Variants in IL7 observed in about 807,000 individuals in gnomAD.
The protein encoded by IL7 is interleukin 7.
Under a neutral mutation model 21.6 loss-of-function variants are expected in IL7, and 3 were observed. The observed-to-expected ratio is 0.14, with a 90% confidence interval of 0.06 to 0.36. The LOEUF is 0.36. IL7 is among the 10% of genes least tolerant of loss of function. IL7 has a pLI of 1.00. For synonymous variants in IL7, 62 were observed against 68.1 expected, an observed-to-expected ratio of 0.91 and a Z score of 0.44; for missense variants, 175 against 200.2, an observed-to-expected ratio of 0.87 and a Z score of 0.76.
downstream of IL7, among the ~76,000 whole-genome samples, chr8:78,715,504 C>T (rs1415340213): frequency 6.6e-6 from 1 of 152,082 alleles, no homozygotes; most frequent in Non-Finnish European, 1.5e-5. Context: ...AACTGAAAAC[C>T]TTCTGTAAAG....
intron 2 of IL7, among the ~76,000 whole-genome samples, chr8:78,768,345 C>T (rs552526736): frequency 1.8e-4 from 27 of 151,856 alleles, no homozygotes; most frequent in African/African-American, 6.5e-4. Flanking sequence ...GGAATCGCCA[C>T]ACTGACTTCC....
chr8:78,740,118 T>A, intron 2 of IL7, 36 bp from the exon 3 acceptor site: 2 of 1,204,730 alleles, frequency 1.7e-6, no homozygotes, highest in Non-Finnish European at 2.2e-6. Flanking sequence ...TGGTTAAAAC[T>A]GAGTACTTTT....
chr8:78,765,867 C>A (rs1812739797), intron 2 of IL7, among the ~76,000 whole-genome samples: 1 of 152,098 alleles, frequency 6.6e-6, no homozygotes, highest in African/African-American at 2.4e-5. Context: ...CACAAAACCC[C>A]CATGTGAATA....
intron 2 of IL7, among the ~76,000 whole-genome samples, chr8:78,757,947 T>G (rs190610147): frequency 3.9e-5 from 6 of 152,214 alleles, no homozygotes; most frequent in African/African-American, 1.4e-4. Flanking sequence ...CATGGTTTTA[T>G]AAATGAGAAT....
intron 1 of IL7, among the ~76,000 whole-genome samples, chr8:78,798,564 A>G (rs1008362491): frequency 6.6e-6 from 1 of 152,060 alleles, no homozygotes; most frequent in East Asian, 1.9e-4. Flanking sequence ...GGTGCACTAC[A>G]GTTCGAAGAG....
chr8:78,735,276 C>CTTT lies in IL7; in HGVS notation c.414+1195_414+1197dup. Among the ~76,000 whole-genome samples the CTTT allele has an allele frequency of 4.7e-3, 370 of 78,410 alleles. 6 individuals carry two copies. The highest frequency in any genetic ancestry group is 0.016 in the African/African-American group (302 of 18,698). 51.4% of individuals were successfully genotyped at this position (78,410 alleles called of 152,430 possible). A position where few individuals can be genotyped will look rare whatever the true frequency, so the allele number is the denominator to read the frequency against. On this transcript the variant is annotated intron_variant, in intron 5 of 5. Coordinates refer to ENST00000263851, the MANE Select transcript of IL7 (RefSeq NM_000880.4). Reference sequence around the variant, plus strand: ...TGGGAAAATAGTTATCTTTTCTTTTCTTTTTTTTTTTTTTTTGTTTTTTTT... The same window carrying CTTT: ...TGGGAAAATAGTTATCTTTTCTTTTCTTTTTTTTTTTTTTTTTTTGTTTTTTTT...
intron 2 of IL7, among the ~76,000 whole-genome samples, chr8:78,784,580 T>C (rs1813449283): frequency 6.6e-6 from 1 of 152,112 alleles, no homozygotes; most frequent in Non-Finnish European, 1.5e-5. Context: ...GTAAACTATG[T>C]TCATTCACTC....
At chr8:78,759,156 G>GTA (rs1449660993) in intron 2 of IL7, among the ~76,000 whole-genome samples, 1 of 131,028 alleles carries the variant, frequency 7.6e-6, no homozygotes, top group African/African-American at 2.9e-5. Flanking sequence ...ACTCTTGATT[G>GTA]TATATATATA....
At chr8:78,801,456 C>G (rs925229551) in intron 1 of IL7, among the ~76,000 whole-genome samples, 1 of 152,100 alleles carries the variant, frequency 6.6e-6, no homozygotes, top group Admixed American at 6.5e-5. Flanking sequence ...ACTTGGGAGG[C>G]TGAGGCAGGA....
intron 2 of IL7, among the ~76,000 whole-genome samples, chr8:78,753,116 T>C (rs1812230066): frequency 6.6e-6 from 1 of 152,154 alleles, no homozygotes; most frequent in Non-Finnish European, 1.5e-5. Flanking sequence ...GATTGGTGGG[T>C]CAAATGGTAT....
rs185960691 is a variant in IL7, at chr8:78,775,370, A to G, written c.147+22702T>C. On this transcript the variant is annotated intron_variant, in intron 2 of 5. Coordinates refer to ENST00000263851, the MANE Select transcript of IL7 (RefSeq NM_000880.4). The stretch of plus-strand genomic sequence containing the variant: ...CATATCCTACTCTGGATGTGCAGAA[A>G]GGTTATTATGGAATTCATCCAGGGC... 1.3e-3 allele frequency among the ~76,000 whole-genome samples: 197 copies of G among 152,216 alleles called. No homozygotes were observed. In the Middle Eastern group the frequency reaches 0.017, roughly 13 times the overall value.
At chr8:78,760,471 C>G in intron 2 of IL7, 1 of 1,544,764 alleles carries the variant, frequency 6.5e-7, no homozygotes, top group Non-Finnish European at 8.7e-7. Context: ...TATCTTTCCC[C>G]CTGTGTTTCC....
At chr8:78,679,661 T>A (rs907492821) in intron 4 of IL7, among the ~76,000 whole-genome samples, 3 of 152,170 alleles carry the variant, frequency 2.0e-5, no homozygotes, top group African/African-American at 4.8e-5. Flanking sequence ...TTCAGTGAAG[T>A]GATTTAAGCT....
chr8:78,697,497 A>G (rs761256249), intron 3 of IL7: 9 of 1,606,912 alleles, frequency 5.6e-6, no homozygotes. Context: ...CGCTGGCAAA[A>G]CTGTTGTAGG....
At chr8:78,675,387 A>ACTGAACTC (rs1197711790), downstream of IL7, among the ~76,000 whole-genome samples, 2 of 152,034 alleles carry the variant, frequency 1.3e-5, no homozygotes, top group African/African-American at 4.8e-5. Context: ...TCAGGAAGTC[A>ACTGAACTC]CTGAACTCAT....
chr8:78,718,959 T>C (rs1811185586), intron 6 of IL7: 1 of 151,850 alleles, frequency 6.6e-6, no homozygotes, highest in South Asian at 2.1e-4. Flanking sequence ...TTAGCTTAGT[T>C]TAGTTTGGGC....
rs559209196 is a variant in IL7, at chr8:78,765,472, T to TAA, written c.148-25392_148-25391dup. Among the ~76,000 whole-genome samples the TAA allele has an allele frequency of 5.9e-5, 9 of 152,120 alleles. No individual in the cohort carries two copies. In the South Asian group the frequency reaches 1.9e-3, roughly 32 times the overall value. ...TATCCAAAATATTATACAGAACTCT[T>TAA]AAAAATCTAAAATAAGACAATTTAC... On this transcript the variant is annotated intron_variant, in intron 2 of 5. Transcript: ENST00000263851.
At chr8:78,714,478 A>G (rs1811037966), downstream of IL7, among the ~76,000 whole-genome samples, 1 of 152,184 alleles carries the variant, frequency 6.6e-6, no homozygotes, top group African/African-American at 2.4e-5. Flanking sequence ...ATAAGTGATC[A>G]TTTTATAAAT....
chr8:78,726,700 C>A (rs1184346600), intron 3 of IL7, among the ~76,000 whole-genome samples: 1 of 151,892 alleles, frequency 6.6e-6, no homozygotes, highest in South Asian at 2.1e-4. Context: ...CTGAGACTTT[C>A]CTCCCCCACC....
Sources: allele counts gnomAD v4.1 joint callset (sites outside exome capture counted in the v4.1 genomes callset), GRCh38; gene constraint gnomAD v4.1.1; transcripts MANE v1.5; gene names NCBI Gene and HGNC (gene_info 2026-07-23, HGNC 2026-07-21).